Variants in ARHGEF37 observed in about 807,000 individuals in gnomAD.
ARHGEF37 encodes Rho guanine nucleotide exchange factor 37, also known as Rho guanine nucleotide exchange factor (GEF) 37.
In ARHGEF37, 55 loss-of-function variants were observed where a neutral mutation model predicts 71.1. That is an observed-to-expected ratio of 0.77 (90% CI 0.62 to 0.97). The LOEUF (loss-of-function observed/expected upper bound fraction) is 0.97. Among genes scored for constraint, ARHGEF37 ranks in the 50% least tolerant of loss-of-function variants. ARHGEF37 has a pLI of 0.00. For synonymous variants in ARHGEF37, 327 were observed against 350.6 expected, an observed-to-expected ratio of 0.93 and a Z score of 0.75; for missense variants, 765 against 836.8, an observed-to-expected ratio of 0.91 and a Z score of 1.06.
intron 1 of ARHGEF37, among the ~76,000 whole-genome samples, chr5:149,558,322 A>G (rs1471264874): frequency 1.3e-5 from 2 of 152,084 alleles, no homozygotes; most frequent in Admixed American, 6.5e-5. Context: ...CCTGACCAAC[A>G]TGGTGAAATC....
At chr5:149,608,871 A>T (rs576458647) in intron 3 of ARHGEF37, among the ~76,000 whole-genome samples, 1 of 152,126 alleles carries the variant, frequency 6.6e-6, no homozygotes, top group Non-Finnish European at 1.5e-5. Flanking sequence ...CTTGCCACAC[A>T]TTTTATCTTT....
chr5:149,552,520 C>G (rs1295789046), intron 1 of ARHGEF37, among the ~76,000 whole-genome samples: 1 of 152,146 alleles, frequency 6.6e-6, no homozygotes, highest in Non-Finnish European at 1.5e-5. Flanking sequence ...TAAGCTAAGC[C>G]TATCCTAAAT....
At chr5:149,608,485 C>T (rs1370069231) in intron 3 of ARHGEF37, among the ~76,000 whole-genome samples, 3 of 152,022 alleles carry the variant, frequency 2.0e-5, no homozygotes, top group South Asian at 2.1e-4. Flanking sequence ...ATTCTCCTCC[C>T]TCAGCCTCCC....
intron 3 of ARHGEF37, among the ~76,000 whole-genome samples, chr5:149,603,415 G>T (rs563839504): frequency 1.3e-5 from 2 of 152,206 alleles, no homozygotes; most frequent in African/African-American, 4.8e-5. Context: ...GCTTAGTCAC[G>T]CAGCTAGGGG....
At chr5:149,624,960 G>A (rs189188683) in intron 10 of ARHGEF37, among the ~76,000 whole-genome samples, 5 of 147,418 alleles carry the variant, frequency 3.4e-5, no homozygotes, top group Non-Finnish European at 7.4e-5. Flanking sequence ...GTGCAGTGGT[G>A]TGGTCTTGGC....
At position 149,601,200 on chromosome 5, in the gene ARHGEF37, C is replaced by T; in HGVS notation, c.279C>T (p.Ala93=). 6.2e-7 allele frequency: 1 copy of T among 1,612,764 alleles called. No homozygotes were observed. Among genetic ancestry groups the T allele is most frequent in the Non-Finnish European group, 8.5e-7 (1 of 1,179,002 alleles). Residue 93 remains alanine (A), a synonymous_variant, in exon 3 of 13, where the codon GCC becomes GCT. Transcript: ENST00000333677. The stretch of plus-strand genomic sequence containing the variant: ...TCCTCCATGATCTGCAGGAGACAGC[C>T]TCCAAGGAAGAGGAACAAGTGCAGC... ...SRFLHDLQET[A]SKEEEQVQLV...
intron 1 of ARHGEF37, among the ~76,000 whole-genome samples, chr5:149,555,507 G>T (rs1456930065): frequency 1.3e-5 from 2 of 150,244 alleles, no homozygotes; most frequent in Non-Finnish European, 3.0e-5. Context: ...TAGAAATAGT[G>T]TCTTGCCTTG....
chr5:149,575,775 G>A (rs1272501036), intron 1 of ARHGEF37, among the ~76,000 whole-genome samples: 3 of 146,118 alleles, frequency 2.1e-5, no homozygotes, highest in Non-Finnish European at 3.0e-5. Context: ...TCTGCCTCCC[G>A]GGTTCAAGCA....
At chr5:149,628,709 A>G (rs1752776143) in intron 11 of ARHGEF37, 100 bp from the exon 12 acceptor site, 1 of 1,428,582 alleles carries the variant, frequency 7.0e-7, no homozygotes, top group African/African-American at 1.4e-5. Context: ...TTGGGTGTTG[A>G]GAAGCTGTGT....
rs148792990 is a variant in ARHGEF37 at position 149,568,537 on chromosome 5, A to G, written c.-12+16414A>G. 3.9e-3 allele frequency among the ~76,000 whole-genome samples: 592 copies of G among 152,290 alleles called. 4 individuals are homozygous for G. Among genetic ancestry groups the G allele is most frequent in the African/African-American group, 0.014 (563 of 41,566 alleles). On this transcript the variant is annotated intron_variant, in intron 1 of 2. Coordinates refer to the ARHGEF37 transcript ENST00000505810. ...TTGTATCCCACACCCCTATCAAGAT[A>G]CAATACATTGGCCGCGTGGTGACTG...
chr5:149,598,804 A>G (rs1763667683), intron 2 of ARHGEF37, among the ~76,000 whole-genome samples: 1 of 146,618 alleles, frequency 6.8e-6, no homozygotes. Context: ...ATATAGATAT[A>G]TATATGTGTG....
At chr5:149,569,972 A>G (rs2113244955) in intron 1 of ARHGEF37, among the ~76,000 whole-genome samples, 1 of 152,294 alleles carries the variant, frequency 6.6e-6, no homozygotes, top group Non-Finnish European at 1.5e-5. Context: ...AAGTAGGAGT[A>G]CTGTTTTATA....
At chr5:149,561,436 C>T (rs910270786) in intron 1 of ARHGEF37, among the ~76,000 whole-genome samples, 8 of 152,132 alleles carry the variant, frequency 5.3e-5, no homozygotes, top group Non-Finnish European at 1.0e-4. Flanking sequence ...ATGACTTTTA[C>T]TCTTCAACGT....
chr5:149,623,008 C>G (rs7711287), intron 9 of ARHGEF37, among the ~76,000 whole-genome samples: 2,792 of 152,246 alleles, frequency 0.018, 89 homozygotes, highest in African/African-American at 0.063. Flanking sequence ...CACCCCATCA[C>G]CTTTCTAGCC....
intron 1 of ARHGEF37, among the ~76,000 whole-genome samples, chr5:149,559,623 AT>A (rs1199114308): frequency 6.6e-6 from 1 of 152,206 alleles, no homozygotes; most frequent in Non-Finnish European, 1.5e-5. Context: ...ATTTCTAGAA[AT>A]GCTACTCTTC....
At chr5:149,606,537 A>G (rs1020798856) in intron 3 of ARHGEF37, 1 of 152,214 alleles carries the variant, frequency 6.6e-6, no homozygotes, top group African/African-American at 2.4e-5. Flanking sequence ...CTGGTTCCCC[A>G]CCTGCCTTCT....
chr5:149,628,069 G>T (rs1395361080), intron 11 of ARHGEF37, among the ~76,000 whole-genome samples: 2 of 152,188 alleles, frequency 1.3e-5, no homozygotes, highest in Non-Finnish European at 2.9e-5. Flanking sequence ...AAATCAGACA[G>T]AAATCATGAA....
rs1752507985 is a variant in ARHGEF37, at chr5:149,620,454, T to C, written c.995T>C (p.Phe332Ser). Residue 332 changes from phenylalanine to serine, a missense_variant, in exon 8 of 13, where the codon TTC (phenylalanine) becomes TCC (serine). Coordinates refer to ENST00000333677, the MANE Select transcript of ARHGEF37 (RefSeq NM_001001669.3). ...NLARDLHLEA[F>S]LKFKQRLEGL... ...GCAAGAGACCTTCACCTTGAGGCCT[T>C]CCTGAAATTTGTGAGTGGAACCTTT... 6.2e-7 allele frequency: 1 copy of C among 1,607,632 alleles called. No individual in the cohort carries two copies. The highest frequency in any genetic ancestry group is 1.3e-5 in the African/African-American group (1 of 74,712).
intron 4 of ARHGEF37, among the ~76,000 whole-genome samples, chr5:149,614,992 C>T (rs1752334462): frequency 6.6e-6 from 1 of 152,136 alleles, no homozygotes; most frequent in South Asian, 2.1e-4. Context: ...GGCTACTGGT[C>T]ATAATCAAGA....
Sources: allele counts gnomAD v4.1 joint callset (sites outside exome capture counted in the v4.1 genomes callset), GRCh38; gene constraint gnomAD v4.1.1; transcripts MANE v1.5; gene names NCBI Gene and HGNC (gene_info 2026-07-23, HGNC 2026-07-21).